The following ATP5MC2 variants were observed in gnomAD, a reference collection of about 807,000 sequenced individuals.
The protein encoded by ATP5MC2 is ATP synthase membrane subunit c locus 2, also known as ATP synthase F(0) complex subunit C2, mitochondrial.
Under a neutral mutation model 13.5 loss-of-function variants are expected in ATP5MC2, and 11 were observed. The ratio of observed to expected loss-of-function variants is 0.81; its 90% confidence interval spans 0.51 to 1.35. The LOEUF (loss-of-function observed/expected upper bound fraction) is 1.35. ATP5MC2 is among the 40% of genes most tolerant of loss of function. The pLI is 0.00. For synonymous variants in ATP5MC2, 64 were observed against 69.7 expected (o/e 0.92, Z 0.41); for missense variants, 132 against 175.0 (o/e 0.75, Z 1.39).
At chr12:53,680,415 C>T (rs1007665633), upstream of ATP5MC2, among the ~76,000 whole-genome samples, 1 of 152,212 alleles carries the variant, frequency 6.6e-6, no homozygotes, top group African/African-American at 2.4e-5. Context: ...GACGTGTACA[C>T]ATATAACTAT....
chr12:53,675,092 C>T (rs565797322), intron 1 of ATP5MC2, among the ~76,000 whole-genome samples: 8 of 152,318 alleles, frequency 5.3e-5, no homozygotes, highest in African/African-American at 1.9e-4. Flanking sequence ...ACCATGGCAA[C>T]TCTGCAATTG....
intron 1 of ATP5MC2, chr12:53,673,143 A>AC (rs1392996766): frequency 6.5e-6 from 1 of 152,788 alleles, no homozygotes; most frequent in African/African-American, 2.4e-5. Context: ...ACATGGTGAA[A>AC]CCCCACCTCT....
Position 53,669,964 on chromosome 12 carries a change from T to A in ATP5MC2, c.40-16A>T. The A allele has an allele frequency of 6.2e-7, 1 of 1,613,058 alleles. No homozygotes were observed. Among genetic ancestry groups the A allele is most frequent in the Non-Finnish European group, 8.5e-7 (1 of 1,179,254 alleles). On this transcript the variant is annotated splice_polypyrimidine_tract_variant and intron_variant, in intron 2 of 4. Transcript: ENST00000394349. ...TGCTCTTGACCTAGCAGGAATGACA[T>A]ACAGGGGCAGGAAGGTCAAGGAAGA...
intron 3 of ATP5MC2, among the ~76,000 whole-genome samples, 194 bp from the exon 4 acceptor site, chr12:53,669,535 C>G (rs1272512631): frequency 6.6e-6 from 1 of 152,142 alleles, no homozygotes; most frequent in African/African-American, 2.4e-5. Flanking sequence ...CAGGTGTGGT[C>G]AAGAAGTGTA....
At chr12:53,669,725 C>T in intron 3 of ATP5MC2, 146 bp downstream of exon 3, 1 of 851,272 alleles carries the variant, frequency 1.2e-6, no homozygotes, top group Non-Finnish European at 1.9e-6. Context: ...AAGTGTCCTC[C>T]ATCTCCACCT....
intron 4 of ATP5MC2, among the ~76,000 whole-genome samples, chr12:53,668,745 G>A (rs1321121436): frequency 1.6e-4 from 24 of 152,068 alleles, no homozygotes; most frequent in Non-Finnish European, 1.9e-4. Flanking sequence ...CAGGTCAAGC[G>A]CGGGGGCTCA....
At chr12:53,676,163 G>C (rs144827266), upstream of ATP5MC2, 1 of 1,614,248 alleles carries the variant, frequency 6.2e-7, no homozygotes, top group Non-Finnish European at 8.5e-7. Context: ...CGGATAGAGT[G>C]ATTGCAACAT....
At chr12:53,676,262 C>T (rs1945272001), upstream of ATP5MC2, 4 of 1,557,796 alleles carry the variant, frequency 2.6e-6, no homozygotes, top group Admixed American at 3.8e-5. Flanking sequence ...AGAGGAGAAA[C>T]TACAGGGAGC....
intron 4 of ATP5MC2, among the ~76,000 whole-genome samples, chr12:53,668,875 T>G (rs1453700441): frequency 1.3e-5 from 2 of 151,602 alleles, no homozygotes; most frequent in Non-Finnish European, 1.5e-5. Context: ...AAAAATTAGG[T>G]GGGCGTCATT....
intron 1 of ATP5MC2, among the ~76,000 whole-genome samples, chr12:53,674,983 T>C (rs1156767541): frequency 6.6e-6 from 1 of 152,196 alleles, no homozygotes. Flanking sequence ...AGTATGTTCA[T>C]TTACAAATTA....
chr12:53,671,389 CAATA>C (rs1455751066), intron 2 of ATP5MC2, among the ~76,000 whole-genome samples: 10 of 152,214 alleles, frequency 6.6e-5, no homozygotes, highest in Admixed American at 5.2e-4. Flanking sequence ...GGTAAATGCT[CAATA>C]AATGGTACTC....
intron 2 of ATP5MC2, 107 bp downstream of exon 2, chr12:53,672,469 G>T: frequency 8.3e-7 from 1 of 1,201,868 alleles, no homozygotes; most frequent in Non-Finnish European, 1.2e-6. Flanking sequence ...TGATCTGCCC[G>T]CCTGGACCTC....
At chr12:53,675,688 G>A (rs1271902292) in intron 1 of ATP5MC2, among the ~76,000 whole-genome samples, 1 of 152,192 alleles carries the variant, frequency 6.6e-6, no homozygotes, top group African/African-American at 2.4e-5. Flanking sequence ...AGGATGAGAA[G>A]AGAAAGCAGA....
chr12:53,670,555 G>A (rs185337249), intron 2 of ATP5MC2, among the ~76,000 whole-genome samples: 1 of 152,208 alleles, frequency 6.6e-6, no homozygotes, highest in East Asian at 1.9e-4. Context: ...ACAGAGTATT[G>A]TACCACACAT....
upstream of ATP5MC2, among the ~76,000 whole-genome samples, chr12:53,680,554 G>A (rs1945335158): frequency 6.6e-6 from 1 of 152,076 alleles, no homozygotes; most frequent in East Asian, 1.9e-4. Context: ...AATTAGCTAG[G>A]CATGGTGGCT....
At chr12:53,666,631 G>A (rs1344320150) in intron 4 of ATP5MC2, among the ~76,000 whole-genome samples, 16 of 151,276 alleles carry the variant, frequency 1.1e-4, no homozygotes, top group Non-Finnish European at 1.9e-4. Flanking sequence ...GTAGCGGTGC[G>A]TACCTGTAAT....
upstream of ATP5MC2, chr12:53,676,492 G>T: frequency 3.2e-6 from 1 of 310,702 alleles, no homozygotes; most frequent in Non-Finnish European, 6.0e-6. Flanking sequence ...AAGATCTTGG[G>T]AGTCCTGCTT....
At chr12:53,667,954 CACATATATATATATATATATATATATAT>C (rs1944970942) in intron 4 of ATP5MC2, among the ~76,000 whole-genome samples, 1 of 26,968 alleles carries the variant, frequency 3.7e-5, no homozygotes, top group African/African-American at 7.6e-5. Context: ...TACATACACA[CACATATATATATATATATATATATATAT>C]ATATATATAT....
At chr12:53,667,265 C>T (rs1217760921) in intron 4 of ATP5MC2, among the ~76,000 whole-genome samples, 1 of 152,112 alleles carries the variant, frequency 6.6e-6, no homozygotes, top group Non-Finnish European at 1.5e-5. Flanking sequence ...ACTAAACAGT[C>T]CCAGGTGTCA....
Sources: allele counts gnomAD v4.1 joint callset (sites outside exome capture counted in the v4.1 genomes callset), GRCh38; gene constraint gnomAD v4.1.1; transcripts MANE v1.5; gene names NCBI Gene and HGNC (gene_info 2026-07-23, HGNC 2026-07-21).